WSCD1: variants seen among roughly 807,000 people sequenced by gnomAD.
The protein encoded by WSCD1 is WSC domain sialate O sulfotransferase 1.
In WSCD1, 41 loss-of-function variants were observed where a neutral mutation model predicts 60.4. The observed-to-expected ratio is 0.68, with a 90% CI of 0.53 to 0.88. The LOEUF (loss-of-function observed/expected upper bound fraction) is 0.88. Ranked by LOEUF, WSCD1 falls within the 40% of genes least tolerant of loss-of-function variation. The pLI is 0.00. For synonymous variants in WSCD1, 361 were observed against 332.5 expected, an observed-to-expected ratio of 1.09 and a Z score of -0.93; for missense variants, 784 against 796.2, an observed-to-expected ratio of 0.98 and a Z score of 0.18.
At chr17:6,119,388 A>AG (rs1308789882) in intron 8 of WSCD1, among the ~76,000 whole-genome samples, 1 of 152,228 alleles carries the variant, frequency 6.6e-6, no homozygotes, top group Non-Finnish European at 1.5e-5. Flanking sequence ...AGGCATGCAC[A>AG]GCTGAGCCTT....
chr17:6,069,799 G>A (rs1056493776), upstream of WSCD1, among the ~76,000 whole-genome samples: 1 of 29,036 alleles, frequency 3.4e-5, no homozygotes, highest in Admixed American at 3.7e-4. Flanking sequence ...GTGTGTGTGT[G>A]TGCGTGCGTG....
At chr17:6,119,402 G>A (rs1365332799) in intron 8 of WSCD1, among the ~76,000 whole-genome samples, 3 of 152,246 alleles carry the variant, frequency 2.0e-5, no homozygotes, top group Non-Finnish European at 4.4e-5. Flanking sequence ...GAGCCTTTGG[G>A]TGGTGACGAA....
At chr17:6,082,121 A>C (rs751052824) in intron 2 of WSCD1, among the ~76,000 whole-genome samples, 3 of 152,204 alleles carry the variant, frequency 2.0e-5, no homozygotes, top group Non-Finnish European at 4.4e-5. Flanking sequence ...GTTTACAGGT[A>C]TTATTATTAT....
chr17:6,089,312 C>A (rs77087767), intron 3 of WSCD1, among the ~76,000 whole-genome samples: 2 of 152,204 alleles, frequency 1.3e-5, no homozygotes, highest in East Asian at 3.9e-4. Flanking sequence ...CAGGGTCTCA[C>A]CGCCAGGACG....
At position 6,080,919 on chromosome 17, in the gene WSCD1, G is replaced by A. The variant is rs762414140; in HGVS notation, c.261G>A (p.Met87Ile). The A allele has an allele frequency of 1.3e-5, 21 of 1,593,156 alleles. No homozygotes were observed. The highest frequency in any genetic ancestry group is 1.7e-5 in the Non-Finnish European group (20 of 1,174,470). Residue 87 changes from methionine to isoleucine, a missense_variant, in exon 2 of 9, where the codon ATG becomes ATA. Met to Ile is a conservative substitution (Grantham distance 10). Transcript: ENST00000317744. The surrounding 1 kb of genome is among the most constrained non-coding windows in gnomAD (Gnocchi z 6.6). ...CAGAGCTGCTGCTGGGTGTGGACATGCTGCAGAGCCCCCTGACCCGGCCCC... is the reference window on the plus strand; with the variant it reads ...CAGAGCTGCTGCTGGGTGTGGACATACTGCAGAGCCCCCTGACCCGGCCCC... ...VSPELLLGVD[M>I]LQSPLTRPRP...
intron 8 of WSCD1, among the ~76,000 whole-genome samples, 184 bp from the exon 9 acceptor site, chr17:6,120,125 C>G (rs1904567174): frequency 6.6e-6 from 1 of 152,234 alleles, no homozygotes; most frequent in Non-Finnish European, 1.5e-5. Context: ...AGAGCTGCCC[C>G]CACCCACCAC....
At chr17:6,105,604 A>G (rs1911042714) in intron 5 of WSCD1, among the ~76,000 whole-genome samples, 1 of 152,168 alleles carries the variant, frequency 6.6e-6, no homozygotes, top group African/African-American at 2.4e-5. Context: ...AAACCACATT[A>G]CTGTCTGCAG....
chr17:6,085,101 C>G (rs1254623013), intron 2 of WSCD1: 1 of 152,188 alleles, frequency 6.6e-6, no homozygotes, highest in Admixed American at 6.5e-5. Context: ...AATTATTCAG[C>G]TAATATTTAC....
intron 3 of WSCD1, among the ~76,000 whole-genome samples, chr17:6,088,399 C>T (rs142692205): frequency 4.3e-4 from 66 of 152,176 alleles, no homozygotes; most frequent in African/African-American, 1.5e-3. Context: ...CAGGGAGATG[C>T]GACTTCCAGT....
chr17:6,109,677 G>C lies in WSCD1; in HGVS notation c.920G>C (p.Arg307Pro), dbSNP rs141696692. The C allele has an allele frequency of 6.2e-6, 10 of 1,614,172 alleles. No homozygotes were observed. In the Admixed American group the frequency reaches 1.7e-4, roughly 27 times the overall value. Residue 307 changes from arginine to proline, a missense_variant, in exon 6 of 9, where the codon CGG (arginine) becomes CCG (proline). By Grantham distance (103) the Arg-to-Pro change is moderately radical (BLOSUM62 -2). Transcript: ENST00000317744. The part of the protein sequence containing the change: ...CAYPTPRFNL[R>P]DAMDSSVCGQ... ...TACCCTACCCCCCGGTTCAACCTGC[G>C]GGATGCCATGGACAGCTCAGTATGT...
rs1275417467 is a variant in WSCD1 at position 6,087,943 on chromosome 17, C to T, written c.428-47C>T. ...CCCCTGGCTTTTCCTAAGGGTGGGC[C>T]CATGATTCCTGGGCCTCTGGTATTA... On this transcript the variant is annotated intron_variant, in intron 2 of 8. Coordinates refer to ENST00000317744, the MANE Select transcript of WSCD1 (RefSeq NM_015253.2). 4.7e-6 allele frequency: 7 copies of T among 1,498,748 alleles called. No individual in the cohort carries two copies. The Admixed American group carries it at 1.2e-4, about 25-fold the overall frequency. The allele number at this position is 1,498,748 out of a possible 1,614,324, so 92.8% of individuals were successfully genotyped here.
At chr17:6,091,589 G>A (rs895240364) in intron 4 of WSCD1, among the ~76,000 whole-genome samples, 1 of 152,226 alleles carries the variant, frequency 6.6e-6, no homozygotes, top group South Asian at 2.1e-4. Context: ...GCACAAATCC[G>A]CTTCCTCTAA....
At chr17:6,116,830 C>G (rs1036815896) in intron 7 of WSCD1, among the ~76,000 whole-genome samples, 4 of 152,178 alleles carry the variant, frequency 2.6e-5, no homozygotes, top group Admixed American at 2.6e-4. Context: ...GGTGGTAGGA[C>G]TCATTTTGTT....
rs577575133 is a variant in WSCD1 at position 6,110,307 on chromosome 17, C to T, written c.1010-464C>T. ...GGCTTTCCCCTGGTGATTTCATGTG[C>T]TCCTTGTAGCAGCCCTGGGGATGAG... On this transcript the variant is annotated intron_variant, in intron 6 of 8. Coordinates refer to ENST00000317744, the MANE Select transcript of WSCD1 (RefSeq NM_015253.2). This position sits in a 1 kb window ranked among gnomAD's most constrained non-coding sequence, Gnocchi z 4.8. Among the ~76,000 whole-genome samples, 113 of 152,288 alleles carry T rather than the reference C, an allele frequency of 7.4e-4. 1 individual carries two copies. The highest frequency in any genetic ancestry group is 2.7e-3 in the African/African-American group (111 of 41,530).
intron 4 of WSCD1, among the ~76,000 whole-genome samples, chr17:6,092,726 C>T (rs1037112590): frequency 2.6e-5 from 4 of 152,134 alleles, no homozygotes; most frequent in Non-Finnish European, 4.4e-5. Context: ...CCTCCCAGCC[C>T]CATCTGCCTG....
In WSCD1 at chr17:6,120,683, C is replaced by G. The variant is rs375078530; in HGVS notation, c.*22C>G. 6.3e-7 allele frequency: 1 copy of G among 1,587,216 alleles called. No individual in the cohort carries two copies. Among genetic ancestry groups the G allele is most frequent in the Middle Eastern group, 1.7e-4 (1 of 5,918 alleles). On this transcript the variant is annotated 3_prime_UTR_variant, in exon 9 of 9. Transcript: ENST00000317744. ...ATGATAGGCCTGGCCCACGCCGCCG[C>G]CCCCGCTGAGTGACGCAATCGCACC...
At chr17:6,100,486 T>G (rs937805362) in intron 5 of WSCD1, among the ~76,000 whole-genome samples, 2 of 152,226 alleles carry the variant, frequency 1.3e-5, no homozygotes, top group Non-Finnish European at 2.9e-5. Flanking sequence ...CATTCTCGCT[T>G]GTCTCGCCCG....
Position 6,120,563 on chromosome 17 carries a change from G to A in WSCD1, c.1630G>A (p.Glu544Lys), listed in dbSNP as rs143084128. Residue 544 changes from glutamate (E) to lysine (K), a missense_variant, in exon 9 of 9, where the codon GAG (glutamate) becomes AAG (lysine). Coordinates refer to ENST00000317744, the MANE Select transcript of WSCD1 (RefSeq NM_015253.2). ...RSHDPEPFTP[E>K]MKDLINGYIR... The stretch of plus-strand genomic sequence containing the variant: ...CCACGACCCTGAGCCCTTCACCCCG[G>A]AGATGAAAGACTTGATCAATGGCTA... 46 of 1,613,664 alleles carry A rather than the reference G, an allele frequency of 2.9e-5. No homozygotes were observed. In the African/African-American group the frequency reaches 3.7e-4, roughly 13 times the overall value.
In WSCD1 at chr17:6,097,685, G is replaced by A. The variant is rs117180081; in HGVS notation, c.849+2462G>A. 8.2e-4 allele frequency among the ~76,000 whole-genome samples: 125 copies of A among 152,362 alleles called. 3 individuals are homozygous for A. In the East Asian group the frequency reaches 0.021, roughly 26 times the overall value. On this transcript the variant is annotated intron_variant, in intron 5 of 8. Transcript: ENST00000317744. ...TGTATGTACGTAGATCACTTTGTGT[G>A]AGTGAATCTGTAAGAAAAATATTCC... is the stretch of plus-strand genomic sequence containing the variant.
Sources: allele counts gnomAD v4.1 joint callset (sites outside exome capture counted in the v4.1 genomes callset), GRCh38; gene constraint gnomAD v4.1.1; non-coding constraint Gnocchi (gnomAD v3.1); transcripts MANE v1.5; gene names NCBI Gene and HGNC (gene_info 2026-07-23, HGNC 2026-07-21).